TRIO: variants seen among roughly 807,000 people sequenced by gnomAD.
The protein encoded by TRIO is triple functional domain protein.
TRIO carries 58 observed loss-of-function variants against 351.9 expected under a neutral mutation model. That is an observed-to-expected ratio of 0.16 (90% CI 0.13 to 0.21). TRIO has a LOEUF of 0.21. Ranked by LOEUF, TRIO falls within the 10% of genes least tolerant of loss-of-function variation. TRIO has a pLI of 1.00. For missense variants in TRIO, 3,201 were observed against 4,027.8 expected (o/e 0.79, Z 5.56); for synonymous variants, 1,758 against 1,595.7 (o/e 1.10, Z -2.42).
intron 1 of TRIO, among the ~76,000 whole-genome samples, chr5:14,224,373 T>C (rs1350162285): frequency 6.6e-6 from 1 of 151,986 alleles, no homozygotes; most frequent in African/African-American, 2.4e-5. Context: ...AGGTTACTCT[T>C]GGAGTAAGGA....
chr5:14,427,589 A>C (rs1397929993), intron 34 of TRIO, among the ~76,000 whole-genome samples: 1 of 152,198 alleles, frequency 6.6e-6, no homozygotes, highest in Non-Finnish European at 1.5e-5. Flanking sequence ...TGGCCCACCC[A>C]GGGCAGTTGA....
At chr5:14,336,402 A>T in intron 10 of TRIO, 134 bp from the exon 11 acceptor site, 1 of 887,042 alleles carries the variant, frequency 1.1e-6, no homozygotes, top group African/African-American at 1.7e-5. Flanking sequence ...TCTCCCCATC[A>T]TATTTTTCTG....
At chr5:14,272,480 A>G (rs988145799) in intron 2 of TRIO, among the ~76,000 whole-genome samples, 1 of 152,246 alleles carries the variant, frequency 6.6e-6, no homozygotes, top group Non-Finnish European at 1.5e-5. Context: ...ACATTTTTAT[A>G]TAGTTTACAG....
chr5:14,429,984 G>A (rs997472256), intron 34 of TRIO, among the ~76,000 whole-genome samples: 13 of 151,956 alleles, frequency 8.6e-5, no homozygotes, highest in Non-Finnish European at 1.6e-4. Context: ...TGATTAACTC[G>A]TGCACTGTGC....
intron 37 of TRIO, 114 bp from the exon 38 acceptor site, chr5:14,471,204 A>G: frequency 7.6e-7 from 1 of 1,315,136 alleles, no homozygotes. Flanking sequence ...AAGATTTTAT[A>G]ATTTCACAAA....
Position 14,364,703 on chromosome 5 carries a change from C to T in TRIO, c.2641C>T (p.Leu881=), listed in dbSNP as rs759717389. 6.2e-7 allele frequency: 1 copy of T among 1,613,664 alleles called. No homozygotes were observed. Among genetic ancestry groups the T allele is most frequent in the African/African-American group, 1.3e-5 (1 of 74,918 alleles). ...DVDMATRVQD[L]LEFLHEKQQE... The stretch of plus-strand genomic sequence containing the variant: ...AGACATGGCAACTCGGGTCCAGGAC[C>T]TGCTGGAGTTTCTTCATGAAAAACA... Residue 881 remains leucine, a synonymous_variant, in exon 15 of 57, where the codon CTG becomes TTG. Coordinates refer to ENST00000344204, the MANE Select transcript of TRIO (RefSeq NM_007118.4).
intron 18 of TRIO, among the ~76,000 whole-genome samples, chr5:14,372,244 G>A (rs1232961020): frequency 8.2e-5 from 8 of 97,826 alleles, no homozygotes; most frequent in African/African-American, 2.4e-4. Flanking sequence ...AGAAAGAGAG[G>A]CGGGGGTGTG....
intron 1 of TRIO, among the ~76,000 whole-genome samples, chr5:14,201,378 C>T (rs1791099716): frequency 6.6e-6 from 1 of 152,088 alleles, no homozygotes; most frequent in Non-Finnish European, 1.5e-5. Flanking sequence ...TAAAATCACA[C>T]CTTGGTTATA....
At position 14,143,814 on chromosome 5, in the gene TRIO, G is replaced by A. The variant is rs1787322472; in HGVS notation, c.89G>A (p.Gly30Asp). The change falls in exon 1 of 57, where the codon GGC (glycine) becomes GAC (aspartate). Residue 30 changes from glycine to aspartate, a missense_variant. Transcript: ENST00000344204. ...AGCGCGGCTGGCTCGGGCTGCGGGG[G>A]CGGTGCCGGCGAGGGGGCAGAGGAG... ...AASAAGSGCG[G>D]GAGEGAEEAA... The A allele has an allele frequency of 1.9e-6, 2 of 1,058,840 alleles. No individual in the cohort carries two copies. The highest frequency in any genetic ancestry group is 2.3e-6 in the Non-Finnish European group (2 of 879,338). 65.6% of individuals were successfully genotyped at this position (1,058,840 alleles called of 1,614,324 possible).
At chr5:14,239,386 T>A (rs150534311) in intron 1 of TRIO, among the ~76,000 whole-genome samples, 1 of 152,320 alleles carries the variant, frequency 6.6e-6, no homozygotes, top group East Asian at 1.9e-4. Context: ...AAATCTGCAG[T>A]GCCAGCTTTC....
chr5:14,490,734 A>T, intron 48 of TRIO: 1 of 452,848 alleles, frequency 2.2e-6, no homozygotes, highest in African/African-American at 2.0e-5. Context: ...TGCCCAGAAA[A>T]TACTAATAGT....
intron 19 of TRIO, among the ~76,000 whole-genome samples, chr5:14,377,689 G>A (rs904202952): frequency 4.6e-5 from 7 of 151,562 alleles, no homozygotes; most frequent in African/African-American, 1.5e-4. Flanking sequence ...AGCCATTGTC[G>A]AATTGCATAT....
intron 1 of TRIO, among the ~76,000 whole-genome samples, chr5:14,182,460 T>A (rs770583047): frequency 1.2e-4 from 19 of 152,254 alleles, no homozygotes; most frequent in Non-Finnish European, 2.4e-4. Flanking sequence ...AATGATTGCC[T>A]TATCAAATAC....
At chr5:14,170,508 CTTTTTTT>C (rs3994019) in intron 1 of TRIO, among the ~76,000 whole-genome samples, 3 of 133,764 alleles carry the variant, frequency 2.2e-5, no homozygotes, top group East Asian at 2.1e-4. Flanking sequence ...GCTTCTCTCT[CTTTTTTT>C]TTTTTTTTTT....
intron 31 of TRIO, among the ~76,000 whole-genome samples, chr5:14,403,366 T>TGTG (rs528397111): frequency 0.061 from 1,820 of 29,622 alleles, 289 homozygotes; most frequent in African/African-American, 0.28. Flanking sequence ...GGGTGCAGGT[T>TGTG]GTGGTGAGGG....
At chr5:14,493,527 A>T (rs1756650210) in intron 49 of TRIO, among the ~76,000 whole-genome samples, 1 of 152,228 alleles carries the variant, frequency 6.6e-6, no homozygotes, top group Non-Finnish European at 1.5e-5. Flanking sequence ...CACATACAAG[A>T]TGCCAAACAT....
In TRIO at chr5:14,316,431, CAT is replaced by C. The variant is rs1739386882; in HGVS notation, c.1501-81_1501-80del. 9 of 1,403,674 alleles carry C rather than the reference CAT, an allele frequency of 6.4e-6. No homozygotes were observed. In the Admixed American group the frequency reaches 1.5e-4, roughly 23 times the overall value. The allele number at this position is 1,403,674 out of a possible 1,614,324, so 87.0% of individuals were successfully genotyped here. A position where few individuals can be genotyped will look rare whatever the true frequency, so the allele number is the denominator to read the frequency against. On this transcript the variant is annotated intron_variant, in intron 8 of 56. Transcript: ENST00000344204. Reference sequence around the variant, plus strand: ...ACGTGTGTGCCTGTATGTGCACACACATGTATCCAAGGACAGCATCTGTGGCA... The same window carrying C: ...ACGTGTGTGCCTGTATGTGCACACACGTATCCAAGGACAGCATCTGTGGCA...
intron 1 of TRIO, among the ~76,000 whole-genome samples, chr5:14,195,829 C>T (rs1315328319): frequency 6.6e-6 from 1 of 152,132 alleles, no homozygotes; most frequent in Non-Finnish European, 1.5e-5. Flanking sequence ...ACAGTTCAGG[C>T]TGTGCCTGGT....
chr5:14,216,441 T>C (rs1444832499), intron 1 of TRIO, among the ~76,000 whole-genome samples: 1 of 152,202 alleles, frequency 6.6e-6, no homozygotes, highest in East Asian at 1.9e-4. Flanking sequence ...GTTTTTCTCT[T>C]CTTGTTTGTA....
Sources: gnomAD v4.1 joint callset for allele counts (sites outside exome capture counted in the v4.1 genomes callset) on GRCh38, gnomAD v4.1.1 for gene constraint, MANE v1.5 for transcripts, NCBI Gene and HGNC (gene_info 2026-07-23, HGNC 2026-07-21) for gene names.